Variants in WWP2 observed in about 807,000 individuals in gnomAD.
WWP2 encodes the protein WW domain containing E3 ubiquitin protein ligase 2.
In WWP2, 57 loss-of-function variants were observed where a neutral mutation model predicts 121.0. That is an observed-to-expected ratio of 0.47 (90% CI 0.38 to 0.59). WWP2 has a LOEUF of 0.59. Among genes scored for constraint, WWP2 ranks in the 20% least tolerant of loss-of-function variants. The pLI is 0.00. For synonymous variants in WWP2, 449 were observed against 441.3 expected (o/e 1.02, Z -0.22); for missense variants, 962 against 1,158.9 (o/e 0.83, Z 2.47).
intron 6 of WWP2, among the ~76,000 whole-genome samples, chr16:69,862,345 G>A (rs11645565): frequency 0.43 from 65,426 of 150,926 alleles, 14,350 homozygotes; most frequent in South Asian, 0.56. Flanking sequence ...GATTACAGGC[G>A]TGAGCTACCG....
rs1188027109 is a variant in WWP2 at position 69,917,900 on chromosome 16, T to C, written c.1179+17T>C. 6.2e-7 allele frequency: 1 copy of C among 1,602,778 alleles called. No individual in the cohort carries two copies. The highest frequency in any genetic ancestry group is 1.7e-5 in the Admixed American group (1 of 59,786). ...CTCTACCAGGTGAGAGGGCAGGCGC[T>C]TGGCCCGAGGTGGGGCCGCCTCCCT... On this transcript the variant is annotated intron_variant, in intron 10 of 23. Transcript: ENST00000359154.
intron 4 of WWP2, among the ~76,000 whole-genome samples, chr16:69,818,691 T>A (rs1238599287): frequency 6.6e-6 from 1 of 152,094 alleles, no homozygotes; most frequent in African/African-American, 2.4e-5. Context: ...TCTGCCTTGG[T>A]TTCAGGGTGC....
At chr16:69,931,735 G>A (rs961380468) in intron 15 of WWP2, 67 bp from the exon 16 acceptor site, 9 of 1,585,792 alleles carry the variant, frequency 5.7e-6, no homozygotes, top group Non-Finnish European at 7.8e-6. Context: ...AGAGTCCCCT[G>A]TCCCTCCCGC....
intron 6 of WWP2, among the ~76,000 whole-genome samples, chr16:69,845,769 C>G (rs934371541): frequency 6.6e-6 from 1 of 151,836 alleles, no homozygotes; most frequent in Admixed American, 6.6e-5. Context: ...TCAGATGAAG[C>G]CTGGGCGTGG....
At position 69,888,322 on chromosome 16, in the gene WWP2, A is replaced by C. The variant is rs2057964370; in HGVS notation, c.914+73A>C. 3 of 1,488,968 alleles carry C rather than the reference A, an allele frequency of 2.0e-6. No individual in the cohort carries two copies. In the African/African-American group the frequency reaches 4.2e-5, roughly 21 times the overall value. The allele number at this position is 1,488,968 out of a possible 1,614,324, so 92.2% of individuals were successfully genotyped here. ...AGGCTCCTTTACGGGGGTGGAAACA[A>C]CGTGGTTATTTATTACCTAGTGGCT... On this transcript the variant is annotated intron_variant, in intron 8 of 23. Transcript: ENST00000359154.
chr16:69,842,260 G>A, intron 6 of WWP2, 140 bp downstream of exon 6: 1 of 780,114 alleles, frequency 1.3e-6, no homozygotes, highest in South Asian at 1.8e-5. Context: ...CAGTAGTTAA[G>A]AAAGCTAATA....
intron 6 of WWP2, among the ~76,000 whole-genome samples, chr16:69,847,511 G>T (rs1172813436): frequency 6.6e-6 from 1 of 150,824 alleles, no homozygotes; most frequent in Non-Finnish European, 1.5e-5. Context: ...CCAGGTTCAA[G>T]CTATTCTCCT....
chr16:69,840,085 A>C, intron 4 of WWP2, 41 bp from the exon 5 acceptor site: 1 of 1,606,564 alleles, frequency 6.2e-7, no homozygotes, highest in East Asian at 2.2e-5. Context: ...CTTGGGGTGC[A>C]TTCTCTTTAG....
intron 5 of WWP2, among the ~76,000 whole-genome samples, chr16:69,841,451 A>G (rs1247297903): frequency 6.6e-6 from 1 of 152,128 alleles, no homozygotes; most frequent in Non-Finnish European, 1.5e-5. Flanking sequence ...AGAGGCAGTC[A>G]GCGTGGTTGG....
chr16:69,856,376 A>G (rs1366287283), intron 6 of WWP2, among the ~76,000 whole-genome samples: 1 of 152,202 alleles, frequency 6.6e-6, no homozygotes, highest in Non-Finnish European at 1.5e-5. Flanking sequence ...AGTTGTGGTG[A>G]TGGTAACACC....
Position 69,894,102 on chromosome 16 carries a change from G to A in WWP2, c.914+5853G>A, listed in dbSNP as rs1169231030. Among the ~76,000 whole-genome samples, 7 of 151,140 alleles carry A rather than the reference G, an allele frequency of 4.6e-5. No individual in the cohort carries two copies. The South Asian group carries it at 1.5e-3, about 32-fold the overall frequency. ...TTTTTTTTTTTTTAACTGAGATGGA[G>A]TCTCGCTCTGTCACCCAGGCTGGAG... On this transcript the variant is annotated intron_variant, in intron 8 of 23. Coordinates refer to ENST00000359154, the MANE Select transcript of WWP2 (RefSeq NM_001270454.2).
intron 6 of WWP2, among the ~76,000 whole-genome samples, chr16:69,871,128 T>TA (rs11392322): frequency 0.043 from 6,515 of 151,534 alleles, 412 homozygotes; most frequent in African/African-American, 0.14. Flanking sequence ...TCCCCAAAAA[T>TA]AAAAAAATGA....
intron 7 of WWP2, among the ~76,000 whole-genome samples, chr16:69,883,749 T>TA: frequency 6.6e-6 from 1 of 152,196 alleles, no homozygotes; most frequent in African/African-American, 2.4e-5. Context: ...CAAAAACTGT[T>TA]AAACAGAAGA....
At chr16:69,935,000 G>A (rs989197612) in intron 17 of WWP2, among the ~76,000 whole-genome samples, 6 of 152,246 alleles carry the variant, frequency 3.9e-5, no homozygotes, top group African/African-American at 7.2e-5. Context: ...GCGTCCCAGC[G>A]TCTGTATTTA....
At chr16:69,834,591 A>G (rs1463317427) in intron 4 of WWP2, among the ~76,000 whole-genome samples, 4 of 149,682 alleles carry the variant, frequency 2.7e-5, no homozygotes, top group Admixed American at 6.7e-5. Context: ...CAATGGTGCA[A>G]TCTCGGCTCA....
chr16:69,871,960 C>T (rs759419201), intron 7 of WWP2, 29 bp downstream of exon 7: 1 of 1,602,502 alleles, frequency 6.2e-7, no homozygotes, highest in Admixed American at 1.7e-5. Context: ...CGCCAGCCTG[C>T]ACTGAAGCTG....
At chr16:69,869,991 C>T (rs1394194289) in intron 6 of WWP2, among the ~76,000 whole-genome samples, 1 of 152,130 alleles carries the variant, frequency 6.6e-6, no homozygotes, top group Non-Finnish European at 1.5e-5. Flanking sequence ...AAAAATAGCC[C>T]AAGAGGAATT....
chr16:69,873,899 A>C (rs2039669177), intron 7 of WWP2, among the ~76,000 whole-genome samples: 4 of 152,192 alleles, frequency 2.6e-5, no homozygotes, highest in Admixed American at 2.0e-4. Flanking sequence ...TGGACATTTC[A>C]ATAGAGCTAT....
intron 4 of WWP2, among the ~76,000 whole-genome samples, chr16:69,813,675 C>T (rs780762440): frequency 4.6e-5 from 7 of 151,980 alleles, no homozygotes; most frequent in Middle Eastern, 6.8e-3. Flanking sequence ...ACCATGTTGC[C>T]CAAGGCTGGT....
Sources: allele counts gnomAD v4.1 joint callset (sites outside exome capture counted in the v4.1 genomes callset), GRCh38; gene constraint gnomAD v4.1.1; transcripts MANE v1.5; gene names NCBI Gene and HGNC (gene_info 2026-07-23, HGNC 2026-07-21).